The following CCSER1 variants were observed in gnomAD, a reference collection of about 807,000 sequenced individuals.
CCSER1 encodes coiled-coil serine rich protein 1, also known as serine-rich coiled-coil domain-containing protein 1.
Under a neutral mutation model 82.0 loss-of-function variants are expected in CCSER1, and 41 were observed. The observed-to-expected ratio is 0.50, with a 90% CI of 0.39 to 0.65. The LOEUF is 0.65. CCSER1 is among the 30% of genes least tolerant of loss of function. The pLI, the probability that CCSER1 is intolerant of heterozygous loss-of-function variation, is 0.00. For missense variants in CCSER1, 1,119 were observed against 1,064.2 expected, an observed-to-expected ratio of 1.05 and a Z score of -0.72; for synonymous variants, 414 against 383.9, an observed-to-expected ratio of 1.08 and a Z score of -0.92.
chr4:91,179,660 T>C (rs1733798983), intron 10 of CCSER1, among the ~76,000 whole-genome samples: 2 of 152,250 alleles, frequency 1.3e-5, no homozygotes. Flanking sequence ...CACGAGGTCA[T>C]TTAATGTCTT....
chr4:91,331,668 C>CA (rs1291121170), intron 10 of CCSER1, among the ~76,000 whole-genome samples: 6 of 152,048 alleles, frequency 3.9e-5, no homozygotes, highest in African/African-American at 1.4e-4. Context: ...ATAGAATCTC[C>CA]ATAAGATGTG....
At chr4:90,625,116 C>A (rs957714250) in intron 5 of CCSER1, among the ~76,000 whole-genome samples, 20 of 152,008 alleles carry the variant, frequency 1.3e-4, no homozygotes, top group Admixed American at 1.1e-3. Context: ...CCCAAGTGAA[C>A]GAATTGTATT....
At chr4:90,588,843 A>G (rs1244853744) in intron 5 of CCSER1, among the ~76,000 whole-genome samples, 1 of 152,132 alleles carries the variant, frequency 6.6e-6, no homozygotes, top group African/African-American at 2.4e-5. Flanking sequence ...TTCCACCATG[A>G]TGGTGAGCTC....
intron 6 of CCSER1, among the ~76,000 whole-genome samples, chr4:90,634,656 C>T (rs1725099694): frequency 6.6e-6 from 1 of 151,652 alleles, no homozygotes; most frequent in South Asian, 2.1e-4. Context: ...AGGGTAGGAA[C>T]TTCAGCAATG....
chr4:91,309,403 C>G (rs1432167801), intron 10 of CCSER1, among the ~76,000 whole-genome samples: 2 of 151,982 alleles, frequency 1.3e-5, no homozygotes, highest in African/African-American at 4.8e-5. Context: ...CATGAATGAG[C>G]TCAAGTGGGT....
intron 10 of CCSER1, among the ~76,000 whole-genome samples, chr4:91,148,769 A>G (rs1180892146): frequency 6.6e-6 from 1 of 152,150 alleles, no homozygotes; most frequent in African/African-American, 2.4e-5. Context: ...TTTGCTGAGA[A>G]TGATGGTTTC....
chr4:90,994,037 G>C (rs181260000), intron 9 of CCSER1, among the ~76,000 whole-genome samples: 2 of 152,032 alleles, frequency 1.3e-5, no homozygotes, highest in Non-Finnish European at 2.9e-5. Context: ...AATATTATAA[G>C]TTAAAAATTT....
chr4:90,174,503 G>A (rs1258847869), intron 1 of CCSER1, among the ~76,000 whole-genome samples: 1 of 151,956 alleles, frequency 6.6e-6, no homozygotes, highest in Non-Finnish European at 1.5e-5. Context: ...TGCCTTGAGA[G>A]TTTCTATGTC....
At chr4:91,159,915 T>C (rs1731206357) in intron 10 of CCSER1, among the ~76,000 whole-genome samples, 2 of 152,020 alleles carry the variant, frequency 1.3e-5, no homozygotes, top group South Asian at 2.1e-4. Flanking sequence ...TTTTTTATTA[T>C]ACTTTAAGTT....
intron 6 of CCSER1, among the ~76,000 whole-genome samples, chr4:90,659,077 G>C (rs1730263529): frequency 8.3e-6 from 1 of 120,470 alleles, no homozygotes; most frequent in Non-Finnish European, 1.7e-5. Context: ...CCAATGATAT[G>C]AGAGGGCTTT....
intron 3 of CCSER1, among the ~76,000 whole-genome samples, chr4:90,325,326 G>C (rs1283568420): frequency 1.3e-5 from 2 of 152,134 alleles, no homozygotes; most frequent in Non-Finnish European, 2.9e-5. Flanking sequence ...TAAAAGGACA[G>C]CAGTAAATGA....
intron 3 of CCSER1, among the ~76,000 whole-genome samples, chr4:90,375,611 G>A (rs766540136): frequency 2.1e-4 from 32 of 152,116 alleles, no homozygotes; most frequent in Non-Finnish European, 3.1e-4. Flanking sequence ...GGTCCTCTGT[G>A]CCCCACCACA....
At chr4:91,088,928 T>G (rs569088628) in intron 10 of CCSER1, among the ~76,000 whole-genome samples, 18 of 152,186 alleles carry the variant, frequency 1.2e-4, no homozygotes, top group African/African-American at 4.3e-4. Context: ...AATACCTTTG[T>G]TATTTTAGGT....
At chr4:91,148,083 A>C (rs1223960625) in intron 10 of CCSER1, among the ~76,000 whole-genome samples, 1 of 152,214 alleles carries the variant, frequency 6.6e-6, no homozygotes. Context: ...GTAACATGGA[A>C]TAGAGAATCA....
intron 10 of CCSER1, among the ~76,000 whole-genome samples, chr4:91,374,931 G>T (rs544871201): frequency 1.3e-5 from 2 of 152,176 alleles, no homozygotes; most frequent in Non-Finnish European, 2.9e-5. Flanking sequence ...AGTAGGCTGA[G>T]GTTGCAGTGA....
rs770685942 is a variant in CCSER1, at chr4:90,308,645, A to G, written c.361A>G (p.Ser121Gly). The G allele has an allele frequency of 5.0e-5, 80 of 1,613,642 alleles. No individual in the cohort carries two copies. The highest frequency in any genetic ancestry group is 6.8e-5 in the Non-Finnish European group (80 of 1,179,836). ...TRGRHSVGFSSSRNKKITRSL... is the reference protein window; with the variant it reads ...TRGRHSVGFSGSRNKKITRSL... ...GGGAAGACATTCTGTTGGTTTTAGT[A>G]GTTCACGAAATAAGAAGATAACAAG... Residue 121 changes from serine (S) to glycine (G), a missense_variant, in exon 2 of 11, where the codon AGT (serine) becomes GGT (glycine). By Grantham distance (56) the Ser-to-Gly change is moderately conservative (BLOSUM62 0). Coordinates refer to ENST00000509176, the MANE Select transcript of CCSER1 (RefSeq NM_001145065.2).
intron 3 of CCSER1, among the ~76,000 whole-genome samples, chr4:90,389,421 A>C (rs1750608956): frequency 1.3e-5 from 2 of 152,214 alleles, no homozygotes; most frequent in African/African-American, 4.8e-5. Flanking sequence ...TTTTCATCAA[A>C]ATAACCAACA....
In CCSER1 at chr4:91,549,708, G is replaced by A. The variant is rs531754883; in HGVS notation, c.2218-48864G>A. Among the ~76,000 whole-genome samples the A allele has an allele frequency of 1.4e-4, 22 of 152,156 alleles. No homozygotes were observed. The South Asian group carries it at 4.2e-3, about 29-fold the overall frequency. ...AAAAATTAGACGGCCGTGCTGGTGC[G>A]CCTGTAATCCCAGCTACTTGGGGGA... On this transcript the variant is annotated intron_variant, in intron 10 of 10. Coordinates refer to ENST00000509176, the MANE Select transcript of CCSER1 (RefSeq NM_001145065.2).
At chr4:91,387,651 G>A (rs925379030) in intron 10 of CCSER1, among the ~76,000 whole-genome samples, 2 of 151,990 alleles carry the variant, frequency 1.3e-5, no homozygotes, top group African/African-American at 4.8e-5. Context: ...TAGGGCCTCT[G>A]TACCTTTCTG....
Sources: gnomAD v4.1 joint callset for allele counts (sites outside exome capture counted in the v4.1 genomes callset) on GRCh38, gnomAD v4.1.1 for gene constraint, MANE v1.5 for transcripts, NCBI Gene and HGNC (gene_info 2026-07-23, HGNC 2026-07-21) for gene names.